ITGAV: variants seen among roughly 807,000 people sequenced by gnomAD.
The protein encoded by ITGAV is integrin subunit alpha V.
Under a neutral mutation model 143.8 loss-of-function variants are expected in ITGAV, and 76 were observed. That is an observed-to-expected ratio of 0.53 (90% confidence interval 0.44 to 0.64). The LOEUF (loss-of-function observed/expected upper bound fraction) is 0.64. ITGAV is among the 30% of genes least tolerant of loss of function. The pLI, the probability that ITGAV is intolerant of heterozygous loss-of-function variation, is 0.00. For synonymous variants in ITGAV, 453 were observed against 446.7 expected, an observed-to-expected ratio of 1.01 and a Z score of -0.18; for missense variants, 1,193 against 1,274.7, an observed-to-expected ratio of 0.94 and a Z score of 0.98.
intron 2 of ITGAV, among the ~76,000 whole-genome samples, chr2:186,606,903 C>A (rs1455901601): frequency 4.6e-5 from 7 of 152,086 alleles, no homozygotes. Context: ...TCTTTTTGGA[C>A]TGCTCTTTTA....
intron 2 of ITGAV, among the ~76,000 whole-genome samples, chr2:186,615,812 A>T (rs1339186705): frequency 1.3e-5 from 2 of 152,058 alleles, no homozygotes; most frequent in African/African-American, 4.8e-5. Flanking sequence ...TTTTAATTTT[A>T]ATTGGCTAAT....
intron 2 of ITGAV, among the ~76,000 whole-genome samples, chr2:186,608,174 T>C (rs1021682651): frequency 3.9e-5 from 6 of 152,160 alleles, no homozygotes. Context: ...AAGAGGTATG[T>C]CTGGTTCTGT....
At chr2:186,656,111 G>T in intron 16 of ITGAV, 136 bp from the exon 17 acceptor site, 1 of 537,834 alleles carries the variant, frequency 1.9e-6, no homozygotes, top group Non-Finnish European at 3.2e-6. Flanking sequence ...TCATTACAAT[G>T]TAATGACATT....
intron 5 of ITGAV, among the ~76,000 whole-genome samples, chr2:186,632,896 A>G (rs1454377089): frequency 6.6e-6 from 1 of 152,064 alleles, no homozygotes; most frequent in Non-Finnish European, 1.5e-5. Flanking sequence ...TTTCTTTTAA[A>G]TTTTATTTTA....
intron 8 of ITGAV, 101 bp from the exon 9 acceptor site, chr2:186,638,176 T>G: frequency 1.1e-6 from 1 of 936,506 alleles, no homozygotes; most frequent in Non-Finnish European, 1.7e-6. Context: ...TGTTTTGAAC[T>G]GAAGTAGTAA....
intron 1 of ITGAV, chr2:186,600,405 T>C: frequency 6.5e-7 from 1 of 1,537,616 alleles, no homozygotes; most frequent in Non-Finnish European, 8.8e-7. Flanking sequence ...AAATAACTTC[T>C]CTGTCTACTT....
chr2:186,615,694 A>G (rs1445253684), intron 2 of ITGAV, among the ~76,000 whole-genome samples: 1 of 148,212 alleles, frequency 6.7e-6, no homozygotes, highest in African/African-American at 2.5e-5. Flanking sequence ...TTTTTTTCAT[A>G]TTATTTAGGA....
At chr2:186,645,712 A>G (rs1391540026) in intron 12 of ITGAV, among the ~76,000 whole-genome samples, 2 of 152,162 alleles carry the variant, frequency 1.3e-5, no homozygotes, top group Non-Finnish European at 2.9e-5. Context: ...TCACGCCTGT[A>G]ATCCCCCCAC....
chr2:186,597,424 T>A (rs1259762328), intron 1 of ITGAV, among the ~76,000 whole-genome samples: 1 of 152,218 alleles, frequency 6.6e-6, no homozygotes, highest in Non-Finnish European at 1.5e-5. Context: ...ATGACTTATT[T>A]ATATATGGCT....
intron 16 of ITGAV, among the ~76,000 whole-genome samples, chr2:186,655,659 C>G (rs1574493981): frequency 6.6e-6 from 1 of 152,318 alleles, no homozygotes; most frequent in East Asian, 1.9e-4. Context: ...CTGAATCTTA[C>G]AAGGCAGTAA....
chr2:186,625,465 G>C lies in ITGAV; in HGVS notation c.409-8G>C. 1 of 1,597,024 alleles carries C rather than the reference G, an allele frequency of 6.3e-7. No individual in the cohort carries two copies. ...TCTTCGTGTCGTGGACTAAACCTTTGATTTTAGGCCTGTGCCCCATTGTAC... is the reference window on the plus strand; with the variant it reads ...TCTTCGTGTCGTGGACTAAACCTTTCATTTTAGGCCTGTGCCCCATTGTAC... On this transcript the variant is annotated splice_region_variant and splice_polypyrimidine_tract_variant and intron_variant, in intron 3 of 29. Coordinates refer to ENST00000261023, the MANE Select transcript of ITGAV (RefSeq NM_002210.5).
intron 14 of ITGAV, among the ~76,000 whole-genome samples, chr2:186,650,970 G>A (rs1688411645): frequency 6.6e-6 from 1 of 152,130 alleles, no homozygotes; most frequent in African/African-American, 2.4e-5. Context: ...TTATGTCTTG[G>A]TATTCTCTGA....
At chr2:186,630,019 G>A (rs541236461) in intron 4 of ITGAV, among the ~76,000 whole-genome samples, 3 of 152,188 alleles carry the variant, frequency 2.0e-5, no homozygotes, top group South Asian at 2.1e-4. Flanking sequence ...GCCTACTATG[G>A]TTGGAAAATA....
intron 19 of ITGAV, among the ~76,000 whole-genome samples, chr2:186,664,183 G>A (rs934145627): frequency 2.6e-5 from 4 of 152,134 alleles, no homozygotes; most frequent in Non-Finnish European, 5.9e-5. Flanking sequence ...TGAGAATTAT[G>A]ACACGTGATT....
chr2:186,658,949 A>G, intron 17 of ITGAV, 89 bp from the exon 18 acceptor site: 1 of 894,560 alleles, frequency 1.1e-6, no homozygotes, highest in Non-Finnish European at 1.7e-6. Context: ...TCAGGGATGA[A>G]TACAGCTGGC....
intron 8 of ITGAV, among the ~76,000 whole-genome samples, chr2:186,638,060 T>C (rs1687995315): frequency 6.6e-6 from 1 of 152,224 alleles, no homozygotes; most frequent in Non-Finnish European, 1.5e-5. Context: ...CTTATTTGCA[T>C]ATGTTTGAGA....
At chr2:186,611,134 C>T (rs1314305629) in intron 2 of ITGAV, among the ~76,000 whole-genome samples, 1 of 152,092 alleles carries the variant, frequency 6.6e-6, no homozygotes, top group Non-Finnish European at 1.5e-5. Flanking sequence ...CTACCGGGGT[C>T]GTTCTCATGC....
chr2:186,627,029 A>G (rs1366180839), intron 4 of ITGAV, among the ~76,000 whole-genome samples: 1 of 152,206 alleles, frequency 6.6e-6, no homozygotes, highest in African/African-American at 2.4e-5. Context: ...TAATTATATG[A>G]TGTACACACA....
In ITGAV at chr2:186,659,077, A is replaced by G. The variant is rs773881024; in HGVS notation, c.1759A>G (p.Ile587Val). The part of the protein sequence containing the change: ...EFRDKLTPIT[I>V]FMEYRLDYRT... ...TAGAGACAAACTCACTCCAATTACT[A>G]TTTTTATGGAATATCGGTTGGATTA... is the stretch of plus-strand genomic sequence containing the variant. The change falls in exon 18 of 30, where the codon ATT (isoleucine) becomes GTT (valine). Residue 587 changes from isoleucine (I) to valine (V), a missense_variant. Ile to Val is a conservative substitution (Grantham distance 29, BLOSUM62 3). Coordinates refer to ENST00000261023, the MANE Select transcript of ITGAV (RefSeq NM_002210.5). 6 of 1,610,676 alleles carry G rather than the reference A, an allele frequency of 3.7e-6. No individual in the cohort carries two copies. The South Asian group carries it at 4.4e-5, about 12-fold the overall frequency.
Sources: gnomAD v4.1 joint callset for allele counts (sites outside exome capture counted in the v4.1 genomes callset) on GRCh38, gnomAD v4.1.1 for gene constraint, MANE v1.5 for transcripts, NCBI Gene and HGNC (gene_info 2026-07-23, HGNC 2026-07-21) for gene names.